COMMD1: variants seen among roughly 807,000 people sequenced by gnomAD.
The protein encoded by COMMD1 is COMM domain-containing protein 1.
COMMD1 carries 10 observed loss-of-function variants against 17.2 expected under a neutral mutation model. The ratio of observed to expected loss-of-function variants is 0.58; its 90% confidence interval spans 0.36 to 0.99. The LOEUF is 0.99. Ranked by LOEUF, COMMD1 falls within the 50% of genes least tolerant of loss-of-function variation. The probability of loss-of-function intolerance (pLI) is 0.01; values close to 1 mark genes in which losing one functional copy is unlikely to be tolerated. For synonymous variants in COMMD1, 97 were observed against 91.6 expected (o/e 1.06, Z -0.34); for missense variants, 270 against 231.8 (o/e 1.17, Z -1.07).
intron 2 of COMMD1, among the ~76,000 whole-genome samples, chr2:62,061,509 T>C (rs919352933): frequency 1.3e-5 from 2 of 152,114 alleles, no homozygotes; most frequent in African/African-American, 2.4e-5. Flanking sequence ...CAGTAGAGTT[T>C]ATATGCAGAG....
At chr2:61,892,322 C>G (rs896570658) in intron 1 of COMMD1, among the ~76,000 whole-genome samples, 2 of 152,016 alleles carry the variant, frequency 1.3e-5, no homozygotes, top group African/African-American at 2.4e-5. Context: ...AATGAAGGTT[C>G]TCTTTAGAAT....
intron 1 of COMMD1, among the ~76,000 whole-genome samples, chr2:61,907,747 A>G (rs897247775): frequency 1.6e-4 from 25 of 151,962 alleles, no homozygotes; most frequent in Non-Finnish European, 3.2e-4. Context: ...CTGGAGTGCA[A>G]TGGTGTGATC....
intron 1 of COMMD1, among the ~76,000 whole-genome samples, chr2:61,996,315 TGTGTGTGTG>T (rs1258638173): frequency 4.4e-4 from 2 of 4,564 alleles, no homozygotes; most frequent in Non-Finnish European, 7.5e-4. Flanking sequence ...GTTTTCTAAA[TGTGTGTGTG>T]TGTGTGTGTG....
chr2:61,958,439 G>A (rs148287855), intron 1 of COMMD1, among the ~76,000 whole-genome samples: 1,579 of 151,942 alleles, frequency 0.01, 22 homozygotes, highest in African/African-American at 0.036. Context: ...GCTAATTTTT[G>A]AATTTTTAGT....
intron 2 of COMMD1, among the ~76,000 whole-genome samples, chr2:62,130,730 G>A (rs543461944): frequency 6.6e-6 from 1 of 152,208 alleles, no homozygotes; most frequent in East Asian, 1.9e-4. Context: ...TTATTTTCTA[G>A]TTTAAGCATT....
At chr2:62,033,603 C>A (rs1312759096) in intron 2 of COMMD1, among the ~76,000 whole-genome samples, 1 of 151,844 alleles carries the variant, frequency 6.6e-6, no homozygotes, top group Non-Finnish European at 1.5e-5. Flanking sequence ...AAATGTTAAG[C>A]TACTTCTTAA....
chr2:62,078,683 A>G (rs1434730221), intron 2 of COMMD1, among the ~76,000 whole-genome samples: 1 of 150,978 alleles, frequency 6.6e-6, no homozygotes, highest in African/African-American at 2.4e-5. Context: ...CGTGGCCAGC[A>G]TGGTGAAACT....
chr2:61,909,435 A>G lies in COMMD1; in HGVS notation c.180+3577A>G, dbSNP rs1669850545. On this transcript the variant is annotated intron_variant, in intron 1 of 2. Transcript: ENST00000311832. ...TTGCTGCCCTTGAAGAAAGTATAGC[A>G]TATTTTAGACTGAGATGAAGGGTAG... Among the ~76,000 whole-genome samples the G allele has an allele frequency of 3.9e-5, 6 of 152,164 alleles. No homozygotes were observed. In the South Asian group the frequency reaches 1.2e-3, roughly 31 times the overall value.
intron 2 of COMMD1, among the ~76,000 whole-genome samples, chr2:62,133,494 T>C (rs2104106785): frequency 6.6e-6 from 1 of 151,396 alleles, no homozygotes; most frequent in South Asian, 2.1e-4. Flanking sequence ...GAAAAAAAAT[T>C]ATAAATTTTG....
At chr2:62,075,517 CT>C (rs1211670552) in intron 2 of COMMD1, among the ~76,000 whole-genome samples, 5 of 152,186 alleles carry the variant, frequency 3.3e-5, no homozygotes, top group African/African-American at 1.2e-4. Context: ...CTTATTTATG[CT>C]GTCTCAATTA....
intron 2 of COMMD1, among the ~76,000 whole-genome samples, chr2:62,002,415 C>CT: frequency 9.1e-6 from 1 of 110,256 alleles, no homozygotes; most frequent in East Asian, 3.0e-4. Flanking sequence ...CGCTTGAATC[C>CT]GGGAGGTGGA....
intron 1 of COMMD1, among the ~76,000 whole-genome samples, chr2:61,906,476 AT>A (rs1240518487): frequency 6.6e-6 from 1 of 152,222 alleles, no homozygotes; most frequent in Non-Finnish European, 1.5e-5. Context: ...TATTGACAAG[AT>A]TTTTTGTTAC....
At chr2:61,974,696 GTT>G (rs1432063227) in intron 1 of COMMD1, among the ~76,000 whole-genome samples, 2 of 149,266 alleles carry the variant, frequency 1.3e-5, no homozygotes, top group Admixed American at 6.7e-5. Flanking sequence ...AAAAAAGTTT[GTT>G]TTAAATAGGA....
At chr2:61,972,361 T>C (rs1671673274) in intron 1 of COMMD1, among the ~76,000 whole-genome samples, 1 of 152,210 alleles carries the variant, frequency 6.6e-6, no homozygotes, top group African/African-American at 2.4e-5. Flanking sequence ...TAATATATTA[T>C]AGACCTGTAC....
intron 2 of COMMD1, among the ~76,000 whole-genome samples, chr2:62,028,378 A>G (rs1669823926): frequency 6.6e-6 from 1 of 152,098 alleles, no homozygotes; most frequent in South Asian, 2.1e-4. Context: ...TTTTGTAATA[A>G]TTTAGCAAAA....
intron 2 of COMMD1, among the ~76,000 whole-genome samples, chr2:62,041,319 T>C (rs1670189218): frequency 6.6e-6 from 1 of 152,240 alleles, no homozygotes; most frequent in South Asian, 2.1e-4. Context: ...GGTTTTTTTT[T>C]CGCTCAATAA....
intron 1 of COMMD1, among the ~76,000 whole-genome samples, chr2:61,911,096 A>T (rs1158120692): frequency 2.7e-5 from 4 of 146,820 alleles, no homozygotes; most frequent in Non-Finnish European, 4.5e-5. Flanking sequence ...AAAAAAAAAA[A>T]TTTTTTTTTT....
At chr2:61,924,071 C>T (rs184378697) in intron 1 of COMMD1, among the ~76,000 whole-genome samples, 267 of 152,312 alleles carry the variant, frequency 1.8e-3, no homozygotes, top group African/African-American at 5.4e-3. Flanking sequence ...GCCACAACGC[C>T]CAGTCTAGAA....
upstream of COMMD1, among the ~76,000 whole-genome samples, chr2:61,901,002 A>G (rs1470949119): frequency 6.6e-6 from 1 of 152,144 alleles, no homozygotes; most frequent in Non-Finnish European, 1.5e-5. Flanking sequence ...GCTGGAGTGC[A>G]GTGGCGTGAT....
Sources: gnomAD v4.1 joint callset for allele counts (sites outside exome capture counted in the v4.1 genomes callset) on GRCh38, gnomAD v4.1.1 for gene constraint, MANE v1.5 for transcripts, NCBI Gene and HGNC (gene_info 2026-07-23, HGNC 2026-07-21) for gene names.